NYAP2: variants seen among roughly 807,000 people sequenced by gnomAD.
The protein encoded by NYAP2 is neuronal tyrosine-phosphorylated phosphoinositide-3-kinase adaptor 2, also known as neuronal tyrosine-phosphorylated phosphoinositide-3-kinase adapter 2.
In NYAP2, 23 loss-of-function variants were observed where a neutral mutation model predicts 50.4. The observed-to-expected ratio is 0.46, with a 90% CI of 0.33 to 0.65. The LOEUF is 0.65. Among genes scored for constraint, NYAP2 ranks in the 30% least tolerant of loss-of-function variants. NYAP2 has a pLI of 0.02. For synonymous variants in NYAP2, 394 were observed against 365.2 expected (o/e 1.08, Z -0.90); for missense variants, 885 against 861.0 (o/e 1.03, Z -0.35).
intron 3 of NYAP2, among the ~76,000 whole-genome samples, chr2:225,452,862 CT>C (rs1248580411): frequency 4.6e-5 from 7 of 152,162 alleles, no homozygotes; most frequent in African/African-American, 1.7e-4. Flanking sequence ...CTAAAATCTA[CT>C]TGTTAGCTTT....
At chr2:225,416,928 T>C (rs910902070) in intron 3 of NYAP2, among the ~76,000 whole-genome samples, 27 of 152,132 alleles carry the variant, frequency 1.8e-4, no homozygotes, top group Admixed American at 1.6e-3. Flanking sequence ...TCCAACACCA[T>C]GGCAAATTGA....
intron 5 of NYAP2, among the ~76,000 whole-genome samples, chr2:225,602,716 A>G (rs553662171): frequency 7.9e-5 from 12 of 152,298 alleles, no homozygotes; most frequent in Non-Finnish European, 1.2e-4. Context: ...CTTTGTTGAA[A>G]AGATCATCCC....
At chr2:225,572,282 G>A (rs568456697) in intron 4 of NYAP2, among the ~76,000 whole-genome samples, 16 of 152,242 alleles carry the variant, frequency 1.1e-4, no homozygotes, top group South Asian at 8.3e-4. Context: ...CCCGCTATCC[G>A]TTACCAATTT....
the NYAP2 span, among the ~76,000 whole-genome samples, chr2:225,697,861 T>C: frequency 2.6e-5 from 4 of 152,072 alleles, no homozygotes; most frequent in African/African-American, 9.6e-5. Flanking sequence ...TTTGTAAGAA[T>C]TATTTCTTAA....
Position 225,582,038 on chromosome 2 carries a change from C to T in NYAP2, c.621C>T (p.Phe207=), listed in dbSNP as rs185602343. The T allele has an allele frequency of 1.5e-4, 238 of 1,614,006 alleles. No individual in the cohort carries two copies. The African/African-American group carries it at 2.4e-3, about 16-fold the overall frequency. ...CGAACACTCAGCTGAGCACATCTTTCGATGAAACGTACATCAAAAAGCATG... is the reference window on the plus strand; with the variant it reads ...CGAACACTCAGCTGAGCACATCTTTTGATGAAACGTACATCAAAAAGCATG... The change falls in exon 5 of 7, where the codon TTC becomes TTT. Residue 207 remains phenylalanine (F), a synonymous_variant. Coordinates refer to ENST00000636099, the Ensembl canonical transcript of NYAP2. The surrounding 1 kb of genome is among the most constrained non-coding windows in gnomAD (Gnocchi z 7.0).
chr2:225,539,730 G>T (rs569231953), intron 4 of NYAP2, among the ~76,000 whole-genome samples: 1 of 151,806 alleles, frequency 6.6e-6, no homozygotes, highest in African/African-American at 2.4e-5. Flanking sequence ...GAAGTTCTTT[G>T]TAGATTCTGG....
intron 3 of NYAP2, among the ~76,000 whole-genome samples, chr2:225,512,856 C>CTTTCT (rs1559200586): frequency 1.2e-5 from 1 of 80,034 alleles, no homozygotes. Flanking sequence ...TTTCTTTCTT[C>CTTTCT]CTTCCTTCCT....
At chr2:225,698,185 CAA>C in the NYAP2 span, 1 of 151,704 alleles carries the variant, frequency 6.6e-6, no homozygotes, top group South Asian at 2.1e-4. Flanking sequence ...TAAAACAAGA[CAA>C]AACTAAAAAG....
the NYAP2 span, among the ~76,000 whole-genome samples, chr2:225,684,269 G>A: frequency 3.3e-5 from 5 of 152,092 alleles, no homozygotes; most frequent in African/African-American, 1.2e-4. Context: ...CCAGTGAGAT[G>A]AAAAATGGCA....
chr2:225,431,815 A>T (rs963629938), intron 3 of NYAP2, among the ~76,000 whole-genome samples: 3 of 152,240 alleles, frequency 2.0e-5, no homozygotes, highest in Non-Finnish European at 4.4e-5. Flanking sequence ...AGAAATGTTG[A>T]GGAATTGAAC....
At chr2:225,567,931 C>G (rs1691990072) in intron 4 of NYAP2, among the ~76,000 whole-genome samples, 1 of 152,092 alleles carries the variant, frequency 6.6e-6, no homozygotes, top group African/African-American at 2.4e-5. Context: ...TGCAGTAATT[C>G]TTTACTACTT....
At chr2:225,536,880 G>A (rs1360007354) in intron 4 of NYAP2, among the ~76,000 whole-genome samples, 1 of 151,570 alleles carries the variant, frequency 6.6e-6, no homozygotes, top group East Asian at 1.9e-4. Context: ...CCGGGTTCAC[G>A]CCATTCTCCT....
chr2:225,406,494 C>A (rs936883454), intron 2 of NYAP2, among the ~76,000 whole-genome samples: 1 of 151,786 alleles, frequency 6.6e-6, no homozygotes, highest in Non-Finnish European at 1.5e-5. Flanking sequence ...AACACTGCCA[C>A]GAAGACATCT....
chr2:225,472,909 T>C (rs1690036017), intron 3 of NYAP2, among the ~76,000 whole-genome samples: 1 of 152,324 alleles, frequency 6.6e-6, no homozygotes, highest in Non-Finnish European at 1.5e-5. Context: ...GCTGCACCCA[T>C]TAACTTGTCA....
chr2:225,655,418 A>C (rs762893799), downstream of NYAP2, among the ~76,000 whole-genome samples: 18 of 152,210 alleles, frequency 1.2e-4, no homozygotes, highest in Non-Finnish European at 2.5e-4. Flanking sequence ...CTTCATAGAA[A>C]TCTTTGGAAA....
intron 3 of NYAP2, among the ~76,000 whole-genome samples, chr2:225,417,645 T>G (rs991012026): frequency 7.9e-5 from 12 of 152,192 alleles, no homozygotes; most frequent in Non-Finnish European, 1.6e-4. Flanking sequence ...TTTTCGTCTC[T>G]GATTTGGGGC....
intron 5 of NYAP2, among the ~76,000 whole-genome samples, chr2:225,601,076 C>T (rs895280484): frequency 7.3e-5 from 11 of 151,536 alleles, no homozygotes; most frequent in African/African-American, 2.7e-4. Context: ...TTAGAAATAC[C>T]CAGAAGTAGA....
At chr2:225,620,904 G>A (rs1444015459) in intron 5 of NYAP2, among the ~76,000 whole-genome samples, 5 of 151,924 alleles carry the variant, frequency 3.3e-5, no homozygotes, top group Admixed American at 1.3e-4. Flanking sequence ...TCACGAGGGC[G>A]GGAGATCGAG....
intron 3 of NYAP2, among the ~76,000 whole-genome samples, chr2:225,453,793 G>C (rs888120556): frequency 4.0e-5 from 6 of 149,672 alleles, no homozygotes; most frequent in African/African-American, 1.5e-4. Flanking sequence ...TAAACCTTCT[G>C]AGTAGTTGGG....
Sources: gnomAD v4.1 joint callset for allele counts (sites outside exome capture counted in the v4.1 genomes callset) on GRCh38, gnomAD v4.1.1 for gene constraint, Gnocchi (gnomAD v3.1) non-coding constraint, MANE v1.5 for transcripts, NCBI Gene and HGNC (gene_info 2026-07-23, HGNC 2026-07-21) for gene names.